Variants in XRCC4 observed in about 807,000 individuals in gnomAD.
XRCC4 encodes the protein X-ray repair cross complementing 4, also known as DNA repair protein XRCC4.
A neutral mutation model predicts 39.1 loss-of-function variants in XRCC4; 28 were observed. That is an observed-to-expected ratio of 0.72 (90% confidence interval 0.53 to 0.98). XRCC4 has a LOEUF of 0.98. Among genes scored for constraint, XRCC4 ranks in the 50% least tolerant of loss-of-function variants. The pLI, the probability that XRCC4 is intolerant of heterozygous loss-of-function variation, is 0.00. For synonymous variants in XRCC4, 123 were observed against 126.4 expected, an observed-to-expected ratio of 0.97 and a Z score of 0.18; for missense variants, 350 against 376.4, an observed-to-expected ratio of 0.93 and a Z score of 0.58.
intron 3 of XRCC4, among the ~76,000 whole-genome samples, chr5:83,168,986 C>T (rs1262490503): frequency 6.6e-6 from 1 of 152,086 alleles, no homozygotes; most frequent in Non-Finnish European, 1.5e-5. Flanking sequence ...GACCAAAATA[C>T]AATTGACTCT....
chr5:83,225,394 C>A (rs953453889), intron 6 of XRCC4, among the ~76,000 whole-genome samples: 3 of 151,732 alleles, frequency 2.0e-5, no homozygotes, highest in African/African-American at 7.3e-5. Flanking sequence ...GGAAAATGCC[C>A]ATTCTCATGT....
intron 6 of XRCC4, among the ~76,000 whole-genome samples, chr5:83,239,506 G>T (rs1471396557): frequency 2.0e-5 from 3 of 152,178 alleles, no homozygotes; most frequent in Non-Finnish European, 4.4e-5. Flanking sequence ...GACATTCCAG[G>T]TAGAGAGAAT....
At chr5:83,371,983 T>G in the XRCC4 span, among the ~76,000 whole-genome samples, 1 of 152,218 alleles carries the variant, frequency 6.6e-6, no homozygotes, top group Admixed American at 6.5e-5. Flanking sequence ...CAATGTTGCT[T>G]AGCTCTGCTT....
At chr5:83,193,692 T>C (rs900864901) in intron 3 of XRCC4, among the ~76,000 whole-genome samples, 19 of 152,354 alleles carry the variant, frequency 1.2e-4, no homozygotes, top group Admixed American at 1.2e-3. Context: ...TTCTTTATCC[T>C]TTTGGCATTT....
intron 5 of XRCC4, among the ~76,000 whole-genome samples, 197 bp downstream of exon 5, chr5:83,203,904 C>A (rs1751315923): frequency 6.6e-6 from 1 of 152,068 alleles, no homozygotes; most frequent in Non-Finnish European, 1.5e-5. Flanking sequence ...GTCTGCTCAA[C>A]TGTGTCACCT....
intron 7 of XRCC4, among the ~76,000 whole-genome samples, chr5:83,268,973 A>T (rs1421859399): frequency 6.6e-6 from 1 of 152,240 alleles, no homozygotes; most frequent in Non-Finnish European, 1.5e-5. Context: ...TGGGTTAAGC[A>T]ATAAATGGCA....
intron 6 of XRCC4, among the ~76,000 whole-genome samples, chr5:83,219,498 G>C (rs1481176958): frequency 6.6e-6 from 1 of 152,114 alleles, no homozygotes; most frequent in Non-Finnish European, 1.5e-5. Context: ...TGTTAAAAGG[G>C]AACTGAAGTC....
At chr5:83,200,725 G>A (rs556335304) in intron 4 of XRCC4, among the ~76,000 whole-genome samples, 8 of 152,128 alleles carry the variant, frequency 5.3e-5, no homozygotes, top group Non-Finnish European at 8.8e-5. Context: ...ATAAGAAATT[G>A]TAATATATTT....
intron 3 of XRCC4, among the ~76,000 whole-genome samples, chr5:83,164,581 C>T (rs1749371335): frequency 6.6e-6 from 1 of 152,028 alleles, no homozygotes; most frequent in African/African-American, 2.4e-5. Flanking sequence ...CTTAAATGTT[C>T]TCACTACACA....
intron 7 of XRCC4, among the ~76,000 whole-genome samples, chr5:83,262,237 G>A (rs1753778274): frequency 6.6e-6 from 1 of 152,170 alleles, no homozygotes; most frequent in East Asian, 1.9e-4. Flanking sequence ...AGCACAGCCG[G>A]TGTTTTATTC....
At chr5:83,326,662 A>T (rs1756272177) in intron 7 of XRCC4, among the ~76,000 whole-genome samples, 1 of 152,080 alleles carries the variant, frequency 6.6e-6, no homozygotes. Context: ...ACATTGCATA[A>T]TGTGAGTTTT....
At chr5:83,245,246 A>C (rs1400432821) in intron 6 of XRCC4, among the ~76,000 whole-genome samples, 2 of 151,698 alleles carry the variant, frequency 1.3e-5, no homozygotes, top group Non-Finnish European at 2.9e-5. Context: ...AAAAAAAAAA[A>C]CTATTCAGCG....
intron 7 of XRCC4, among the ~76,000 whole-genome samples, chr5:83,335,569 T>C (rs973903524): frequency 2.6e-5 from 4 of 152,004 alleles, no homozygotes; most frequent in Admixed American, 1.3e-4. Flanking sequence ...CATATTATAA[T>C]TAATTGTTTA....
rs766161565 is a variant in XRCC4 at position 83,284,052 on chromosome 5, C to CAAAAA, written c.893+25397_893+25401dup. 7.5e-4 allele frequency among the ~76,000 whole-genome samples: 12 copies of CAAAAA among 16,100 alleles called. 1 individual carries two copies. Among genetic ancestry groups the CAAAAA allele is most frequent in the African/African-American group, 2.2e-3 (12 of 5,554 alleles). 10.6% of individuals were successfully genotyped at this position (16,100 alleles called of 152,430 possible). A position where few individuals can be genotyped will look rare whatever the true frequency, so the allele number is the denominator to read the frequency against. On this transcript the variant is annotated intron_variant, in intron 7 of 7. Coordinates refer to ENST00000396027, the MANE Select transcript of XRCC4 (RefSeq NM_003401.5). ...CCAAAAACCTTCTACCAACCCAGAG[C>CAAAAA]AAAAAAAAAAAAAAAAAAAAAAAAA...
At chr5:83,332,341 C>T (rs543597382) in intron 7 of XRCC4, among the ~76,000 whole-genome samples, 1 of 152,050 alleles carries the variant, frequency 6.6e-6, no homozygotes, top group African/African-American at 2.4e-5. Context: ...CATGCAGTGT[C>T]TTTCAATCAT....
At chr5:83,103,025 T>TATATATATATATACATAC (rs943955057) in intron 1 of XRCC4, among the ~76,000 whole-genome samples, 7 of 142,660 alleles carry the variant, frequency 4.9e-5, no homozygotes, top group African/African-American at 1.9e-4. Flanking sequence ...TATATATATA[T>TATATATATATATACATAC]ATATATGTCA....
intron 3 of XRCC4, among the ~76,000 whole-genome samples, chr5:83,157,024 T>A (rs1221892211): frequency 6.6e-6 from 1 of 151,848 alleles, no homozygotes; most frequent in East Asian, 1.9e-4. Flanking sequence ...GAAAAAAAAA[T>A]CAGGATTCAC....
Position 83,124,119 on chromosome 5 carries a change from G to C in XRCC4, c.315+12916G>C, listed in dbSNP as rs186079028. On this transcript the variant is annotated intron_variant, in intron 3 of 7. Coordinates refer to ENST00000396027, the MANE Select transcript of XRCC4 (RefSeq NM_003401.5). ...ACACAGATTTTATCAGTTTTTATGT[G>C]CACTGTTTTTATTGTTCTTGTTGTT... 7.8e-4 allele frequency among the ~76,000 whole-genome samples: 119 copies of C among 152,100 alleles called. 1 individual carries two copies. Among genetic ancestry groups the C allele is most frequent in the Non-Finnish European group, 2.2e-4 (15 of 67,948 alleles).
chr5:83,133,867 A>G (rs946265820), intron 3 of XRCC4, among the ~76,000 whole-genome samples: 14 of 152,178 alleles, frequency 9.2e-5, no homozygotes, highest in African/African-American at 3.4e-4. Flanking sequence ...GGAGCCCTTC[A>G]GGCCACCACT....
Sources: allele counts gnomAD v4.1 joint callset (sites outside exome capture counted in the v4.1 genomes callset), GRCh38; gene constraint gnomAD v4.1.1; transcripts MANE v1.5; gene names NCBI Gene and HGNC (gene_info 2026-07-23, HGNC 2026-07-21).